Variants in RALGPS2 observed in about 807,000 individuals in gnomAD.
RALGPS2 encodes the protein Ral GEF with PH domain and SH3 binding motif 2.
RALGPS2 carries 43 observed loss-of-function variants against 86.8 expected under a neutral mutation model. The ratio of observed to expected loss-of-function variants is 0.50; its 90% CI spans 0.39 to 0.64. The LOEUF (loss-of-function observed/expected upper bound fraction) is 0.64. Among genes scored for constraint, RALGPS2 ranks in the 30% least tolerant of loss-of-function variants. The pLI is 0.00. For synonymous variants in RALGPS2, 243 were observed against 231.3 expected (o/e 1.05, Z -0.46); for missense variants, 536 against 694.6 (o/e 0.77, Z 2.57).
intron 6 of RALGPS2, among the ~76,000 whole-genome samples, chr1:178,811,608 C>G (rs1654978964): frequency 6.6e-6 from 1 of 152,038 alleles, no homozygotes; most frequent in Admixed American, 6.6e-5. Context: ...CTTTTATATT[C>G]TTCCTCCCAC....
At chr1:178,754,069 G>A (rs1188818787) in intron 1 of RALGPS2, among the ~76,000 whole-genome samples, 3 of 151,770 alleles carry the variant, frequency 2.0e-5, no homozygotes, top group Admixed American at 1.3e-4. Context: ...TGATCCGCCC[G>A]CCTCGGCCTC....
intron 8 of RALGPS2, among the ~76,000 whole-genome samples, chr1:178,834,213 CA>C (rs1656160792): frequency 6.6e-6 from 1 of 151,986 alleles, no homozygotes; most frequent in South Asian, 2.1e-4. Flanking sequence ...GTAAATCAAA[CA>C]TAAGGAAAAT....
chr1:178,796,394 C>G (rs1654192248), intron 4 of RALGPS2, among the ~76,000 whole-genome samples: 1 of 152,090 alleles, frequency 6.6e-6, no homozygotes, highest in African/African-American at 2.4e-5. Context: ...TTGTAGATAA[C>G]CATATTAGGC....
At chr1:178,805,816 G>A (rs911461482) in intron 4 of RALGPS2, among the ~76,000 whole-genome samples, 7 of 151,740 alleles carry the variant, frequency 4.6e-5, no homozygotes, top group East Asian at 1.9e-4. Flanking sequence ...TTTTACAATC[G>A]AACTGTACTT....
chr1:178,851,023 T>C, intron 8 of RALGPS2: 3 of 1,093,788 alleles, frequency 2.7e-6, no homozygotes, highest in South Asian at 5.0e-5. Flanking sequence ...TTAAAAACTT[T>C]CTGTGTAGAA....
intron 8 of RALGPS2, among the ~76,000 whole-genome samples, chr1:178,861,711 G>A (rs1307383772): frequency 3.3e-5 from 5 of 152,024 alleles, no homozygotes; most frequent in African/African-American, 7.2e-5. Context: ...TATAACTTAC[G>A]TATACAAACT....
intron 7 of RALGPS2, among the ~76,000 whole-genome samples, chr1:178,823,725 G>A (rs1204707532): frequency 6.6e-6 from 1 of 152,152 alleles, no homozygotes; most frequent in Non-Finnish European, 1.5e-5. Context: ...AGATAATGGA[G>A]GTGCTGTTTA....
intron 6 of RALGPS2, among the ~76,000 whole-genome samples, chr1:178,812,896 G>GA (rs1294601965): frequency 6.7e-6 from 1 of 148,624 alleles, no homozygotes; most frequent in African/African-American, 2.5e-5. Flanking sequence ...AATATTTTTA[G>GA]AAATTCTTTG....
intron 5 of RALGPS2, among the ~76,000 whole-genome samples, chr1:178,810,352 A>C (rs1413019990): frequency 2.0e-5 from 3 of 152,132 alleles, no homozygotes; most frequent in South Asian, 2.1e-4. Context: ...ACCCCACTAC[A>C]CTCCAGCCTG....
At chr1:178,907,512 A>G (rs772891176) in intron 19 of RALGPS2, among the ~76,000 whole-genome samples, 7 of 152,248 alleles carry the variant, frequency 4.6e-5, no homozygotes, top group African/African-American at 7.2e-5. Context: ...TCTAATTGAA[A>G]GGCTTTCAGC....
chr1:178,863,855 C>A (rs1327921255), intron 8 of RALGPS2, among the ~76,000 whole-genome samples: 1 of 152,184 alleles, frequency 6.6e-6, no homozygotes, highest in Non-Finnish European at 1.5e-5. Flanking sequence ...TATTCACTGA[C>A]AGAGAGATGA....
intron 1 of RALGPS2, among the ~76,000 whole-genome samples, chr1:178,742,149 AAAG>A (rs1244538856): frequency 7.4e-5 from 11 of 148,908 alleles, no homozygotes; most frequent in East Asian, 3.9e-4. Context: ...AAAAAAAAAA[AAAG>A]AAGAAGAAGC....
At chr1:178,853,463 G>A in intron 8 of RALGPS2, 1 of 832,106 alleles carries the variant, frequency 1.2e-6, no homozygotes, top group South Asian at 2.8e-5. Flanking sequence ...TTTGACAGAT[G>A]TAGATAATGA....
chr1:178,858,264 T>C (rs1657728135), intron 8 of RALGPS2, among the ~76,000 whole-genome samples: 1 of 152,186 alleles, frequency 6.6e-6, no homozygotes, highest in Non-Finnish European at 1.5e-5. Flanking sequence ...TCATTATTAC[T>C]TGAAAATCTT....
intron 16 of RALGPS2, 100 bp from the exon 17 acceptor site, chr1:178,897,564 G>T: frequency 1.1e-6 from 1 of 928,526 alleles, no homozygotes; most frequent in Non-Finnish European, 1.7e-6. Flanking sequence ...TTAGGACTTT[G>T]GTTGAAGTGA....
At chr1:178,730,012 G>T (rs760400789) in intron 1 of RALGPS2, among the ~76,000 whole-genome samples, 6 of 152,104 alleles carry the variant, frequency 3.9e-5, no homozygotes, top group Non-Finnish European at 7.4e-5. Flanking sequence ...TGCGATCTTG[G>T]CTCATTGCAG....
At chr1:178,739,226 C>T (rs1650888358) in intron 1 of RALGPS2, among the ~76,000 whole-genome samples, 1 of 152,182 alleles carries the variant, frequency 6.6e-6, no homozygotes, top group Admixed American at 6.5e-5. Context: ...GGATAAGAAA[C>T]TCTGCTTCTG....
rs1654960089 is a variant in RALGPS2, at chr1:178,811,230, A to T, written c.298-85A>T. 3.8e-6 allele frequency: 4 copies of T among 1,065,800 alleles called. No homozygotes were observed. In the African/African-American group the frequency reaches 6.8e-5, roughly 18 times the overall value. 66.0% of individuals were successfully genotyped at this position (1,065,800 alleles called of 1,614,324 possible). ...AATGTTTAATTTTAGAGCTTACCTA[A>T]TTCTGCCAAAATTTTTTAAAATACA... On this transcript the variant is annotated intron_variant, in intron 5 of 19. Transcript: ENST00000367635.
At chr1:178,838,614 T>A (rs1487282958) in intron 8 of RALGPS2, among the ~76,000 whole-genome samples, 1 of 152,054 alleles carries the variant, frequency 6.6e-6, no homozygotes, top group Non-Finnish European at 1.5e-5. Context: ...TCAGAGCACC[T>A]CTCCCCCTCC....
Sources: allele counts gnomAD v4.1 joint callset (sites outside exome capture counted in the v4.1 genomes callset), GRCh38; gene constraint gnomAD v4.1.1; transcripts MANE v1.5; gene names NCBI Gene and HGNC (gene_info 2026-07-23, HGNC 2026-07-21).